EXOC3: variants seen among roughly 807,000 people sequenced by gnomAD.
EXOC3 encodes the protein exocyst complex component 3, also known as SEC6-like 1.
A neutral mutation model predicts 73.7 loss-of-function variants in EXOC3; 21 were observed. The ratio of observed to expected loss-of-function variants is 0.29; its 90% confidence interval spans 0.20 to 0.41. The LOEUF is 0.41. Ranked by LOEUF, EXOC3 falls within the 10% of genes least tolerant of loss-of-function variation. EXOC3 has a pLI of 1.00. For missense variants in EXOC3, 842 were observed against 985.1 expected (o/e 0.85, Z 1.95); for synonymous variants, 410 against 389.1 (o/e 1.05, Z -0.63).
Position 465,804 on chromosome 5 carries a change from C to T in EXOC3, c.2025C>T (p.Tyr675=), listed in dbSNP as rs1381172733. The T allele has an allele frequency of 6.2e-7, 1 of 1,613,142 alleles. No individual in the cohort carries two copies. Among genetic ancestry groups the T allele is most frequent in the African/African-American group, 1.3e-5 (1 of 74,926 alleles). ...VIKLTDPSLL[Y]LEVSTLVSKY... The stretch of plus-strand genomic sequence containing the variant: ...AGCTGACAGACCCTTCTCTGCTCTA[C>T]CTGGAGGTCTCCACTCTGGTCAGCA... The change falls in exon 12 of 13, where the codon TAC becomes TAT. Residue 675 remains tyrosine, a synonymous_variant. Transcript: ENST00000512944.
Position 461,164 on chromosome 5 carries a change from T to C in EXOC3, c.1392-796T>C, listed in dbSNP as rs1737972008. 5.0e-5 allele frequency among the ~76,000 whole-genome samples: 6 copies of C among 120,110 alleles called. No individual in the cohort carries two copies. The South Asian group carries it at 1.6e-3, about 32-fold the overall frequency. The allele number at this position is 120,110 out of a possible 152,430, so 78.8% of individuals were successfully genotyped here. A position where few individuals can be genotyped will look rare whatever the true frequency, so the allele number is the denominator to read the frequency against. On this transcript the variant is annotated intron_variant, in intron 7 of 12. Transcript: ENST00000512944. Reference sequence around the variant, plus strand: ...GTTTCTAGGTGAAGTGTATAGTAAATAAAATAAATAAAATAAGATAATGCT... The same window carrying C: ...GTTTCTAGGTGAAGTGTATAGTAAACAAAATAAATAAAATAAGATAATGCT...
At chr5:445,693 G>A (rs1272654502) in intron 1 of EXOC3, among the ~76,000 whole-genome samples, 2 of 152,208 alleles carry the variant, frequency 1.3e-5, no homozygotes, top group Non-Finnish European at 2.9e-5. Context: ...TGTGGGGCTT[G>A]TGCTGGGCCT....
At chr5:455,022 A>G (rs59027976) in intron 4 of EXOC3, among the ~76,000 whole-genome samples, 2,311 of 152,206 alleles carry the variant, frequency 0.015, 38 homozygotes, top group African/African-American at 0.041. Context: ...GCTCTGTGCA[A>G]TGGTGGCTCT....
chr5:445,248 G>A (rs1737471210), intron 1 of EXOC3, among the ~76,000 whole-genome samples: 2 of 152,244 alleles, frequency 1.3e-5, no homozygotes, highest in South Asian at 2.1e-4. Context: ...TGGTCTGCAC[G>A]GGGCCTGCAT....
Position 457,315 on chromosome 5 carries a change from C to T in EXOC3, c.1164+309C>T, listed in dbSNP as rs544883530. The T allele has an allele frequency of 1.6e-5, 6 of 374,738 alleles. No individual in the cohort carries two copies. In the East Asian group the frequency reaches 2.6e-4, roughly 17 times the overall value. 23.2% of individuals were successfully genotyped at this position (374,738 alleles called of 1,614,324 possible). ...GTGGCAGCACCTGCCAGGCTCTCGGCTCTGAGTCCCATGGTTGGGGGGGTC... is the reference window on the plus strand; with the variant it reads ...GTGGCAGCACCTGCCAGGCTCTCGGTTCTGAGTCCCATGGTTGGGGGGGTC... On this transcript the variant is annotated intron_variant, in intron 5 of 12. Coordinates refer to ENST00000512944, the MANE Select transcript of EXOC3 (RefSeq NM_007277.5).
intron 3 of EXOC3, among the ~76,000 whole-genome samples, chr5:448,626 A>T (rs1737570721): frequency 6.6e-6 from 1 of 152,082 alleles, no homozygotes; most frequent in Admixed American, 6.6e-5. Context: ...CTCACCCTTC[A>T]CAGTGGCTGT....
rs1003503993 is a variant in EXOC3, at chr5:453,294, T to A, written c.365-76T>A. 2.2e-5 allele frequency: 25 copies of A among 1,144,492 alleles called. No homozygotes were observed. The Admixed American group carries it at 5.8e-4, about 26-fold the overall frequency. 70.9% of individuals were successfully genotyped at this position (1,144,492 alleles called of 1,614,324 possible). ...AGATGTGGCTTCCTGCTCTGCCGTG[T>A]TCCCAGAACACCGCATGCAGGCAGC... On this transcript the variant is annotated intron_variant, in intron 3 of 12. Transcript: ENST00000512944.
In EXOC3 at chr5:464,273, C is replaced by A. The variant is rs767312795; in HGVS notation, c.1654-17C>A. On this transcript the variant is annotated splice_polypyrimidine_tract_variant and intron_variant, in intron 9 of 12. Transcript: ENST00000512944. ...ACGTTGAGGTGATGATTTCTATGAT[C>A]TGTTTCTGCTTTTCAGCAACATCTG... 2 of 1,611,266 alleles carry A rather than the reference C, an allele frequency of 1.2e-6. No individual in the cohort carries two copies. Among genetic ancestry groups the A allele is most frequent in the South Asian group, 2.2e-5 (2 of 90,974 alleles).
At chr5:461,918 G>A in intron 7 of EXOC3, 42 bp from the exon 8 acceptor site, 2 of 1,422,754 alleles carry the variant, frequency 1.4e-6, no homozygotes, top group Non-Finnish European at 1.9e-6. Flanking sequence ...ACAGCTCCAT[G>A]TTGCCCTTAG....
At chr5:461,059 G>A (rs2126585011) in intron 7 of EXOC3, among the ~76,000 whole-genome samples, 1 of 152,306 alleles carries the variant, frequency 6.6e-6, no homozygotes, top group East Asian at 1.9e-4. Context: ...TCAAGTGTCT[G>A]TTTTTAATTG....
intron 9 of EXOC3, among the ~76,000 whole-genome samples, chr5:464,005 C>A (rs984487135): frequency 6.6e-6 from 1 of 152,234 alleles, no homozygotes; most frequent in East Asian, 1.9e-4. Context: ...TACCTGAGTG[C>A]GCATTGCTGT....
At chr5:465,970 C>T in intron 12 of EXOC3, 125 bp downstream of exon 12, 2 of 1,078,100 alleles carry the variant, frequency 1.9e-6, no homozygotes, top group South Asian at 1.6e-5. Context: ...GGCAAGGGTT[C>T]AGGTGCGGCA....
intron 10 of EXOC3, chr5:464,785 A>T: frequency 6.8e-6 from 3 of 441,768 alleles, no homozygotes; most frequent in Non-Finnish European, 8.2e-6. Context: ...CGTTTTCCAG[A>T]TGCTGCGGTC....
At chr5:463,843 A>G (rs1012095431) in intron 9 of EXOC3, among the ~76,000 whole-genome samples, 1 of 152,266 alleles carries the variant, frequency 6.6e-6, no homozygotes, top group East Asian at 1.9e-4. Flanking sequence ...GCAAATAAAT[A>G]CGATAAATAT....
At position 454,031 on chromosome 5, in the gene EXOC3, G is replaced by T. The variant is rs1432001991; in HGVS notation, c.1026G>T (p.Trp342Cys). ...ATGAGATCGTGAGCCTCTTGACGTGGGTCTTAAACACCTACACAAGGTAAA... is the reference window on the plus strand; with the variant it reads ...ATGAGATCGTGAGCCTCTTGACGTGTGTCTTAAACACCTACACAAGGTAAA... Reference protein sequence around the residue: ...EANEIVSLLTWVLNTYTSTEM... With the variant: ...EANEIVSLLTCVLNTYTSTEM... The change falls in exon 4 of 13, where the codon TGG becomes TGT. Residue 342 changes from tryptophan to cysteine, a missense_variant. By Grantham distance (215) the Trp-to-Cys change is radical. Transcript: ENST00000512944. The T allele has an allele frequency of 6.2e-7, 1 of 1,608,484 alleles. No individual in the cohort carries two copies. The highest frequency in any genetic ancestry group is 8.5e-7 in the Non-Finnish European group (1 of 1,177,426).
In EXOC3 at chr5:465,831, G is replaced by A; in HGVS notation, c.2052G>A (p.Lys684=). Residue 684 remains lysine, a synonymous_variant, in exon 12 of 13, where the codon AAG becomes AAA. Transcript: ENST00000512944. ...TGGAGGTCTCCACTCTGGTCAGCAA[G>A]TATCCAGACATCAGGTAAGGGATGC... is the stretch of plus-strand genomic sequence containing the variant. ...LYLEVSTLVS[K]YPDIRDDHIG... is the part of the protein sequence containing the mutation. 1.2e-6 allele frequency: 2 copies of A among 1,611,300 alleles called. No individual in the cohort carries two copies. The highest frequency in any genetic ancestry group is 1.7e-6 in the Non-Finnish European group (2 of 1,178,818).
chr5:451,011 T>G (rs1323978644), intron 3 of EXOC3, among the ~76,000 whole-genome samples: 1 of 152,222 alleles, frequency 6.6e-6, no homozygotes. Flanking sequence ...AGATTTTAAT[T>G]AATTTTGCCT....
chr5:445,272 A>G (rs1737471724), intron 1 of EXOC3, among the ~76,000 whole-genome samples: 1 of 152,140 alleles, frequency 6.6e-6, no homozygotes, highest in Non-Finnish European at 1.5e-5. Flanking sequence ...GGAGGGAAGC[A>G]TGATGTTTTC....
At position 456,887 on chromosome 5, in the gene EXOC3, A is replaced by C; in HGVS notation, c.1047-2A>C. 6.2e-7 allele frequency: 1 copy of C among 1,610,564 alleles called. No homozygotes were observed. ...TCACTCACATTCCTGGTTCCCCCATAGTACTGAGATGATGAGGAACGTGGA... is the reference window on the plus strand; with the variant it reads ...TCACTCACATTCCTGGTTCCCCCATCGTACTGAGATGATGAGGAACGTGGA... On this transcript the variant is annotated splice_acceptor_variant, in intron 4 of 12. Coordinates refer to ENST00000512944, the MANE Select transcript of EXOC3 (RefSeq NM_007277.5). LOFTEE classifies it high-confidence loss of function.
Sources: gnomAD v4.1 joint callset for allele counts (sites outside exome capture counted in the v4.1 genomes callset) on GRCh38, gnomAD v4.1.1 for gene constraint, MANE v1.5 for transcripts, NCBI Gene and HGNC (gene_info 2026-07-23, HGNC 2026-07-21) for gene names.